Variants in ACKR2 observed in about 807,000 individuals in gnomAD.
ACKR2 encodes the protein C-C chemokine receptor D6.
For missense variants in ACKR2, 457 were observed against 477.3 expected (o/e 0.96, Z 0.40); for synonymous variants, 207 against 192.2 (o/e 1.08, Z -0.64).
intron 2 of ACKR2, among the ~76,000 whole-genome samples, chr3:42,838,302 CTT>C (rs1701004105): frequency 1.3e-5 from 2 of 152,038 alleles, no homozygotes; most frequent in South Asian, 4.1e-4. Flanking sequence ...TGATAAAAGA[CTT>C]TTTATAAAGG....
At chr3:42,831,170 A>C (rs1700928663) in intron 2 of ACKR2, among the ~76,000 whole-genome samples, 1 of 152,202 alleles carries the variant, frequency 6.6e-6, no homozygotes, top group Non-Finnish European at 1.5e-5. Context: ...TGAAAAACAA[A>C]AAATAAAAGG....
rs765210048 is a variant in ACKR2 at position 42,865,275 on chromosome 3, C to A, written c.773C>A (p.Ala258Asp). ...AAAATAGCTGCAGCCTTGGTGGTGG[C>A]CTTCTTCGTGCTATGGTTCCCATAC... ...ALKIAAALVVAFFVLWFPYNL... is the reference protein window; with the variant it reads ...ALKIAAALVVDFFVLWFPYNL... The change falls in exon 3 of 3, where the codon GCC (alanine) becomes GAC (aspartate). Residue 258 changes from alanine (A) to aspartate (D), a missense_variant. Transcript: ENST00000422265. 3 of 1,614,190 alleles carry A rather than the reference C, an allele frequency of 1.9e-6. No homozygotes were observed. The East Asian group carries it at 6.7e-5, about 36-fold the overall frequency.
At chr3:42,813,807 G>A (rs1700719387) in intron 1 of ACKR2, among the ~76,000 whole-genome samples, 1 of 152,178 alleles carries the variant, frequency 6.6e-6, no homozygotes, top group Non-Finnish European at 1.5e-5. Context: ...TATTTATTAG[G>A]AAGTTGTATT....
At chr3:42,811,590 C>G (rs1358186496) in intron 1 of ACKR2, among the ~76,000 whole-genome samples, 2 of 152,170 alleles carry the variant, frequency 1.3e-5, no homozygotes, top group Non-Finnish European at 2.9e-5. Flanking sequence ...CCCAGCCGTC[C>G]TCCCCAGCCT....
At position 42,843,051 on chromosome 3, in the gene ACKR2, T is replaced by G. The variant is rs540632871; in HGVS notation, c.-37-21415T>G. 6.7e-3 allele frequency among the ~76,000 whole-genome samples: 1,002 copies of G among 150,308 alleles called. 13 individuals carry two copies. The highest frequency in any genetic ancestry group is 0.014 in the South Asian group (66 of 4,754). On this transcript the variant is annotated intron_variant, in intron 2 of 2. Transcript: ENST00000422265. The stretch of plus-strand genomic sequence containing the variant: ...ATGTCTAGCTATTTATTTATTTATT[T>G]ATTTATTTATTTATTTATTTATTAT...
chr3:42,856,417 C>CA (rs1333883848), intron 2 of ACKR2: 4 of 702,780 alleles, frequency 5.7e-6, no homozygotes, highest in Non-Finnish European at 1.0e-5. Flanking sequence ...ATCATGGTAT[C>CA]ATAGATACTT....
intron 2 of ACKR2, among the ~76,000 whole-genome samples, chr3:42,846,013 G>A (rs1701091474): frequency 6.6e-6 from 1 of 152,096 alleles, no homozygotes; most frequent in African/African-American, 2.4e-5. Context: ...GGTGGAGGTA[G>A]TCTGGTCCAA....
At chr3:42,857,556 G>A (rs1282224053) in intron 2 of ACKR2, among the ~76,000 whole-genome samples, 1 of 152,116 alleles carries the variant, frequency 6.6e-6, no homozygotes, top group Non-Finnish European at 1.5e-5. Context: ...GACAGGCACT[G>A]TTATTATTTT....
At chr3:42,860,260 G>C (rs199953386) in intron 2 of ACKR2, among the ~76,000 whole-genome samples, 4 of 138,270 alleles carry the variant, frequency 2.9e-5, no homozygotes, top group African/African-American at 1.1e-4. Flanking sequence ...ACAAAAAAGG[G>C]CATTACATAA....
chr3:42,819,308 A>C (rs1397786698), intron 1 of ACKR2, among the ~76,000 whole-genome samples: 2 of 152,210 alleles, frequency 1.3e-5, no homozygotes, highest in Non-Finnish European at 2.9e-5. Flanking sequence ...TTGTTTTTAT[A>C]ATCTATATTT....
At chr3:42,859,662 T>C (rs2088360237) in intron 2 of ACKR2, among the ~76,000 whole-genome samples, 1 of 152,114 alleles carries the variant, frequency 6.6e-6, no homozygotes, top group Admixed American at 6.5e-5. Context: ...ATCACAGACG[T>C]GAGCCGCCGC....
At chr3:42,848,463 C>G (rs1183679022) in intron 2 of ACKR2, among the ~76,000 whole-genome samples, 1 of 152,120 alleles carries the variant, frequency 6.6e-6, no homozygotes, top group Non-Finnish European at 1.5e-5. Flanking sequence ...AGCCATCTAC[C>G]TGCCTTGGCC....
intron 2 of ACKR2, among the ~76,000 whole-genome samples, chr3:42,848,039 C>T (rs1383440622): frequency 2.0e-5 from 3 of 151,748 alleles, no homozygotes; most frequent in African/African-American, 7.3e-5. Context: ...TGGGCCACAT[C>T]TCATTAGGAA....
chr3:42,851,473 CG>C, intron 2 of ACKR2: 1 of 980,370 alleles, frequency 1.0e-6, no homozygotes, highest in Non-Finnish European at 1.2e-6. Context: ...TAGCCATACT[CG>C]GGGTGTGGGG....
At chr3:42,822,799 G>A (rs1172683148) in intron 2 of ACKR2, among the ~76,000 whole-genome samples, 1 of 113,790 alleles carries the variant, frequency 8.8e-6, no homozygotes, top group Non-Finnish European at 1.7e-5. Flanking sequence ...GGGTGACAGA[G>A]CAAGACTCCA....
intron 2 of ACKR2, among the ~76,000 whole-genome samples, chr3:42,855,084 T>TTGACCTCAG (rs1220649603): frequency 6.6e-6 from 1 of 152,090 alleles, no homozygotes; most frequent in Non-Finnish European, 1.5e-5. Flanking sequence ...CTCAAACTCC[T>TTGACCTCAG]GACCTCAGGT....
rs925864478 is a variant in ACKR2 at position 42,852,979 on chromosome 3, A to G, written c.-37-11487A>G. On this transcript the variant is annotated intron_variant, in intron 2 of 2. Coordinates refer to ENST00000422265, the MANE Select transcript of ACKR2 (RefSeq NM_001296.5). The surrounding 1 kb of genome is among the most constrained non-coding windows in gnomAD (Gnocchi z 4.3). ...AGTGTGGCCCTGGATTTCCTGGGAA[A>G]CTAGAGAGGCGATACCTGTTCACCC... Among the ~76,000 whole-genome samples the G allele has an allele frequency of 1.1e-4, 16 of 152,272 alleles. No individual in the cohort carries two copies. The highest frequency in any genetic ancestry group is 3.9e-4 in the African/African-American group (16 of 41,554).
chr3:42,857,870 G>A (rs1305513809), intron 2 of ACKR2, among the ~76,000 whole-genome samples: 1 of 152,212 alleles, frequency 6.6e-6, no homozygotes, highest in African/African-American at 2.4e-5. Flanking sequence ...GGCTTGAGTA[G>A]GCGGTTTTCC....
At chr3:42,821,951 C>T (rs542226128) in intron 2 of ACKR2, among the ~76,000 whole-genome samples, 1 of 152,200 alleles carries the variant, frequency 6.6e-6, no homozygotes, top group African/African-American at 2.4e-5. Context: ...CCGCCTCGGC[C>T]TCTCAAAGTG....
Sources: allele counts gnomAD v4.1 joint callset (sites outside exome capture counted in the v4.1 genomes callset), GRCh38; gene constraint gnomAD v4.1.1; non-coding constraint Gnocchi (gnomAD v3.1); transcripts MANE v1.5; gene names NCBI Gene and HGNC (gene_info 2026-07-23, HGNC 2026-07-21).